The following GORASP1 variants were observed in gnomAD, a reference collection of about 807,000 sequenced individuals.
GORASP1 encodes the protein golgi reassembly stacking protein 1.
GORASP1 carries 31 observed loss-of-function variants against 37.7 expected under a neutral mutation model. The ratio of observed to expected loss-of-function variants is 0.82; its 90% CI spans 0.62 to 1.11. The LOEUF (loss-of-function observed/expected upper bound fraction) is 1.11. GORASP1 is among the 50% of genes least tolerant of loss of function. The pLI, the probability that GORASP1 is intolerant of heterozygous loss-of-function variation, is 0.00. For missense variants in GORASP1, 476 were observed against 560.7 expected, an observed-to-expected ratio of 0.85 and a Z score of 1.53; for synonymous variants, 204 against 224.8, an observed-to-expected ratio of 0.91 and a Z score of 0.83.
Position 39,098,435 on chromosome 3 carries a change from C to G in GORASP1, c.1124G>C (p.Gly375Ala). 2 of 1,614,160 alleles carry G rather than the reference C, an allele frequency of 1.2e-6. No homozygotes were observed. The highest frequency in any genetic ancestry group is 2.2e-5 in the East Asian group (1 of 44,876). ...CAGGTGGTCCGCCTGGGCTTGGGCACCTGGGCTGTCCAGGAAGGAGACCTC... is the reference window on the plus strand; with the variant it reads ...CAGGTGGTCCGCCTGGGCTTGGGCAGCTGGGCTGTCCAGGAAGGAGACCTC... ...EFEVSFLDSP[G>A]AQAQADHLPQ... is the part of the protein sequence containing the mutation. The change falls in exon 9 of 9, where the codon GGT becomes GCT. Residue 375 changes from glycine to alanine, a missense_variant. By Grantham distance (60) the Gly-to-Ala change is moderately conservative. Transcript: ENST00000319283. The surrounding 1 kb of genome is among the most constrained non-coding windows in gnomAD (Gnocchi z 4.7).
rs1358136900 is a variant in GORASP1, at chr3:39,100,038, A to G, written c.765+267T>C. On this transcript the variant is annotated intron_variant, in intron 6 of 8. Coordinates refer to ENST00000319283, the MANE Select transcript of GORASP1 (RefSeq NM_031899.4). The surrounding 1 kb of genome is among the most constrained non-coding windows in gnomAD (Gnocchi z 4.6). ...TTTGCCACAACTCACAGGCACAGCA[A>G]GCACCCATCTCTGAGCCTCAGTTTC... is the stretch of plus-strand genomic sequence containing the variant. Among the ~76,000 whole-genome samples, 1 of 152,222 alleles carries G rather than the reference A, an allele frequency of 6.6e-6. No individual in the cohort carries two copies. The highest frequency in any genetic ancestry group is 1.5e-5 in the Non-Finnish European group (1 of 68,040).
Position 39,100,439 on chromosome 3 carries a change from T to C in GORASP1, c.631A>G (p.Lys211Glu). Residue 211 changes from lysine to glutamate, a missense_variant, in exon 6 of 9, where the codon AAG (lysine) becomes GAG (glutamate). Transcript: ENST00000319283. The surrounding 1 kb of genome is among the most constrained non-coding windows in gnomAD (Gnocchi z 4.6). ...RIPTQPPSYH[K>E]KPPGTPPPSA... Reference sequence around the variant, plus strand: ...GGTGGTGGGGTGCCAGGTGGCTTCTTGTGGTAGCTGGGGGGCTGAGTTGGG... The same window carrying C: ...GGTGGTGGGGTGCCAGGTGGCTTCTCGTGGTAGCTGGGGGGCTGAGTTGGG... The C allele has an allele frequency of 6.2e-7, 1 of 1,610,940 alleles. No homozygotes were observed. Among genetic ancestry groups the C allele is most frequent in the Non-Finnish European group, 8.5e-7 (1 of 1,178,308 alleles).
intron 1 of GORASP1, 100 bp downstream of exon 1, chr3:39,107,379 C>A (rs1354589082): frequency 1.3e-6 from 1 of 780,386 alleles, no homozygotes; most frequent in African/African-American, 1.8e-5. Flanking sequence ...ACACTCGGGC[C>A]GGGACCCCGC....
chr3:39,102,127 A>G lies in GORASP1; in HGVS notation c.348+551T>C, dbSNP rs2035758994. 1.3e-5 allele frequency among the ~76,000 whole-genome samples: 2 copies of G among 152,214 alleles called. No individual in the cohort carries two copies. The highest frequency in any genetic ancestry group is 2.4e-5 in the African/African-American group (1 of 41,442). ...CTACTAGACACCTGGAGTATATGCT[A>G]TGGCCTGTTGCTCCTAGGCTACAAA... On this transcript the variant is annotated intron_variant, in intron 3 of 8. Transcript: ENST00000319283. This position sits in a 1 kb window ranked among gnomAD's most constrained non-coding sequence, Gnocchi z 5.0.
In GORASP1 at chr3:39,098,777, C is replaced by T. The variant is rs1194413998; in HGVS notation, c.1033G>A (p.Asp345Asn). The change falls in exon 8 of 9, where the codon GAC becomes AAC. Residue 345 changes from aspartate (D) to asparagine (N), a missense_variant. By Grantham distance (23) the Asp-to-Asn change is conservative. Coordinates refer to ENST00000319283, the MANE Select transcript of GORASP1 (RefSeq NM_031899.4). The surrounding 1 kb of genome is among the most constrained non-coding windows in gnomAD (Gnocchi z 4.7). ...TTAVSTSGPE[D>N]ICSSSSSHER... ...TGAGAACTGCTGCTGGAGCAGATGT[C>T]CTCTGGCCCTGAGGTTGAGACAGCT... is the stretch of plus-strand genomic sequence containing the variant. 2 of 1,614,002 alleles carry T rather than the reference C, an allele frequency of 1.2e-6. No individual in the cohort carries two copies. The highest frequency in any genetic ancestry group is 1.3e-5 in the African/African-American group (1 of 74,914).
Position 39,100,439 on chromosome 3 carries a change from T to A in GORASP1, c.631A>T (p.Lys211Ter). Reference sequence around the variant, plus strand: ...GGTGGTGGGGTGCCAGGTGGCTTCTTGTGGTAGCTGGGGGGCTGAGTTGGG... The same window carrying A: ...GGTGGTGGGGTGCCAGGTGGCTTCTAGTGGTAGCTGGGGGGCTGAGTTGGG... ...RIPTQPPSYH[K>*]KPPGTPPPSA... Residue 211 changes from lysine (K) to a stop codon, truncating the protein, a stop_gained, in exon 6 of 9, where the codon AAG becomes TAG. Transcript: ENST00000319283. LOFTEE classifies it high-confidence loss of function. The surrounding 1 kb of genome is among the most constrained non-coding windows in gnomAD (Gnocchi z 4.6). The A allele has an allele frequency of 6.2e-7, 1 of 1,610,940 alleles. No individual in the cohort carries two copies. Among genetic ancestry groups the A allele is most frequent in the Non-Finnish European group, 8.5e-7 (1 of 1,178,308 alleles).
Position 39,100,723 on chromosome 3 carries a change from CA to C in GORASP1, c.566+23del. The C allele has an allele frequency of 6.2e-7, 1 of 1,611,180 alleles. No homozygotes were observed. Among genetic ancestry groups the C allele is most frequent in the Non-Finnish European group, 8.5e-7 (1 of 1,179,404 alleles). ...GTCAGGCCCCACCCACCTGGCCCTGCAGCCCTCCAACCCCACGAAGTACCTG... is the reference window on the plus strand; with the variant it reads ...GTCAGGCCCCACCCACCTGGCCCTGCGCCCTCCAACCCCACGAAGTACCTG... On this transcript the variant is annotated intron_variant, in intron 5 of 8. Transcript: ENST00000319283. This position sits in a 1 kb window ranked among gnomAD's most constrained non-coding sequence, Gnocchi z 4.6.
chr3:39,103,823 TC>T lies in GORASP1; in HGVS notation c.64-271del. On this transcript the variant is annotated intron_variant, in intron 1 of 8. Coordinates refer to ENST00000319283, the MANE Select transcript of GORASP1 (RefSeq NM_031899.4). The surrounding 1 kb of genome is among the most constrained non-coding windows in gnomAD (Gnocchi z 5.2). ...CACAGCCCAGGACATCCTTAGGGGC[TC>T]CCAGGAGGCAATATGGAGACAGGCT... 1 of 355,262 alleles carries T rather than the reference TC, an allele frequency of 2.8e-6. No homozygotes were observed. The highest frequency in any genetic ancestry group is 5.1e-6 in the Non-Finnish European group (1 of 196,240). The allele number at this position is 355,262 out of a possible 1,614,324, so 22.0% of individuals were successfully genotyped here.
At chr3:39,107,374 C>T (rs138296442) in intron 1 of GORASP1, 105 bp downstream of exon 1, 23,807 of 736,138 alleles carry the variant, frequency 0.032, 460 homozygotes, top group South Asian at 0.073. Context: ...CGGAAACACT[C>T]GGGCCGGGAC....
At chr3:39,107,201 C>G (rs974751274) in intron 1 of GORASP1, 54 of 537,938 alleles carry the variant, frequency 1.0e-4, no homozygotes, top group Non-Finnish European at 1.7e-4. Flanking sequence ...AGCGCCATTC[C>G]CGGCGGCCGG....
intron 1 of GORASP1, among the ~76,000 whole-genome samples, chr3:39,104,851 G>A (rs145428269): frequency 1.7e-3 from 266 of 152,310 alleles, no homozygotes; most frequent in Middle Eastern, 0.01. Flanking sequence ...CCCAGGCCCC[G>A]CTGCAGGGGA....
chr3:39,100,191 G>T lies in GORASP1; in HGVS notation c.765+114C>A. Reference sequence around the variant, plus strand: ...GCCTGCCTGCTCCCACTGGGTCCCAGAAGTACATGGGCCTCTCAGATCACA... The same window carrying T: ...GCCTGCCTGCTCCCACTGGGTCCCATAAGTACATGGGCCTCTCAGATCACA... On this transcript the variant is annotated intron_variant, in intron 6 of 8. Coordinates refer to ENST00000319283, the MANE Select transcript of GORASP1 (RefSeq NM_031899.4). The surrounding 1 kb of genome is among the most constrained non-coding windows in gnomAD (Gnocchi z 4.6). The T allele has an allele frequency of 1.0e-6, 1 of 956,722 alleles. No individual in the cohort carries two copies. Among genetic ancestry groups the T allele is most frequent in the Admixed American group, 1.9e-5 (1 of 51,804 alleles). The allele number at this position is 956,722 out of a possible 1,614,324, so 59.3% of individuals were successfully genotyped here. A position where few individuals can be genotyped will look rare whatever the true frequency, so the allele number is the denominator to read the frequency against.
chr3:39,101,207 T>C (rs1212179786), intron 3 of GORASP1, 105 bp from the exon 4 acceptor site: 3 of 957,986 alleles, frequency 3.1e-6, no homozygotes, highest in Admixed American at 3.9e-5. Flanking sequence ...GGGACACTTG[T>C]CCTCTATCCC....
chr3:39,099,020 G>C, intron 7 of GORASP1, 127 bp from the exon 8 acceptor site: 1 of 1,240,670 alleles, frequency 8.1e-7, no homozygotes, highest in Non-Finnish European at 1.2e-6. Context: ...AGCCCCTGGT[G>C]ATACCCCTCA....
chr3:39,106,647 G>A (rs76654019), intron 1 of GORASP1, among the ~76,000 whole-genome samples: 2,116 of 152,122 alleles, frequency 0.014, 50 homozygotes, highest in African/African-American at 0.048. Flanking sequence ...GGAAAGGGGG[G>A]GTGCAGGGAC....
intron 3 of GORASP1, 104 bp from the exon 4 acceptor site, chr3:39,101,206 G>C (rs1273461859): frequency 1.3e-5 from 13 of 966,106 alleles, no homozygotes; most frequent in Non-Finnish European, 1.6e-6. Flanking sequence ...TGGGACACTT[G>C]TCCTCTATCC....
At position 39,107,598 on chromosome 3, in the gene GORASP1, C is replaced by A. The variant is rs1489454507; in HGVS notation, c.-57G>T. On this transcript the variant is annotated 5_prime_UTR_variant, in exon 1 of 9. Coordinates refer to ENST00000319283, the MANE Select transcript of GORASP1 (RefSeq NM_031899.4). ...TCCCGCTGCGCCTACCCGGACCGAC[C>A]CGACGCCAGTAGCACCGACTCGCTC... is the stretch of plus-strand genomic sequence containing the variant. 2 of 1,448,592 alleles carry A rather than the reference C, an allele frequency of 1.4e-6. No homozygotes were observed. Among genetic ancestry groups the A allele is most frequent in the East Asian group, 5.0e-5 (2 of 40,190 alleles). 89.7% of individuals were successfully genotyped at this position (1,448,592 alleles called of 1,614,324 possible). A position where few individuals can be genotyped will look rare whatever the true frequency, so the allele number is the denominator to read the frequency against.
rs772758208 is a variant in GORASP1, at chr3:39,107,478, C to A, written c.63+1G>T. The A allele has an allele frequency of 1.7e-5, 24 of 1,419,602 alleles. No individual in the cohort carries two copies. Among genetic ancestry groups the A allele is most frequent in the Non-Finnish European group, 2.2e-5 (24 of 1,093,006 alleles). 87.9% of individuals were successfully genotyped at this position (1,419,602 alleles called of 1,614,324 possible). A position where few individuals can be genotyped will look rare whatever the true frequency, so the allele number is the denominator to read the frequency against. On this transcript the variant is annotated splice_donor_variant, in intron 1 of 8. Coordinates refer to ENST00000319283, the MANE Select transcript of GORASP1 (RefSeq NM_031899.4). LOFTEE classifies it high-confidence loss of function. ...TCACCGGCGCCGCGGCGGCAACTCA[C>A]CCCGTGGAGGTGGAAGCCCTCGGCG... is the stretch of plus-strand genomic sequence containing the variant.
In GORASP1 at chr3:39,105,769, T is replaced by C. The variant is rs1035055729; in HGVS notation, c.63+1710A>G. ...TTACATCTCAGAATAAAATCTTAAA[T>C]CTTCAGGACAACAGGCAAGGTCCTA... On this transcript the variant is annotated intron_variant, in intron 1 of 8. Coordinates refer to ENST00000319283, the MANE Select transcript of GORASP1 (RefSeq NM_031899.4). This position sits in a 1 kb window ranked among gnomAD's most constrained non-coding sequence, Gnocchi z 5.4. Among the ~76,000 whole-genome samples, 19 of 152,150 alleles carry C rather than the reference T, an allele frequency of 1.2e-4. No homozygotes were observed. The highest frequency in any genetic ancestry group is 2.2e-4 in the Non-Finnish European group (15 of 68,042).
Sources: allele counts gnomAD v4.1 joint callset (sites outside exome capture counted in the v4.1 genomes callset), GRCh38; gene constraint gnomAD v4.1.1; non-coding constraint Gnocchi (gnomAD v3.1); transcripts MANE v1.5; gene names NCBI Gene and HGNC (gene_info 2026-07-23, HGNC 2026-07-21).